Variants in PCBP2 observed in about 807,000 individuals in gnomAD.
PCBP2 encodes poly(rC)-binding protein 2.
Under a neutral mutation model 50.1 loss-of-function variants are expected in PCBP2, and 4 were observed. The ratio of observed to expected loss-of-function variants is 0.08; its 90% confidence interval spans 0.04 to 0.18. PCBP2 has a LOEUF of 0.18. Among genes scored for constraint, PCBP2 ranks in the 10% least tolerant of loss-of-function variants. The pLI, the probability that PCBP2 is intolerant of heterozygous loss-of-function variation, is 1.00. For synonymous variants in PCBP2, 179 were observed against 168.0 expected, an observed-to-expected ratio of 1.07 and a Z score of -0.51; for missense variants, 161 against 474.3, an observed-to-expected ratio of 0.34 and a Z score of 6.14.
intron 5 of PCBP2, among the ~76,000 whole-genome samples, chr12:53,457,545 T>C (rs1046916516): frequency 1.3e-5 from 2 of 152,008 alleles, no homozygotes; most frequent in African/African-American, 2.4e-5. Context: ...TGAGTCTTCC[T>C]GTGTTGCCTA....
At chr12:53,465,051 T>C (rs1386817633) in intron 9 of PCBP2, 199 bp downstream of exon 9, 1 of 490,486 alleles carries the variant, frequency 2.0e-6, no homozygotes, top group Non-Finnish European at 3.3e-6. Flanking sequence ...ACTTTTTTTT[T>C]TTTTTTAATT....
chr12:53,470,627 C>T (rs931656679), intron 13 of PCBP2, among the ~76,000 whole-genome samples: 15 of 151,910 alleles, frequency 9.9e-5, no homozygotes, highest in African/African-American at 2.9e-4. Context: ...CTCCTGAACG[C>T]AAGTGATTGG....
chr12:53,461,643 C>G (rs558102318), intron 7 of PCBP2, among the ~76,000 whole-genome samples: 4 of 152,088 alleles, frequency 2.6e-5, no homozygotes, highest in African/African-American at 4.8e-5. Flanking sequence ...TAGCAAAATT[C>G]AGGAAAATTA....
chr12:53,460,140 T>C, intron 6 of PCBP2: 1 of 234,004 alleles, frequency 4.3e-6, no homozygotes, highest in Non-Finnish European at 8.9e-6. Flanking sequence ...GATGTAATTC[T>C]ACATCTTTTT....
intron 14 of PCBP2, among the ~76,000 whole-genome samples, chr12:53,478,877 T>C (rs1024818213): frequency 2.2e-4 from 33 of 152,114 alleles, no homozygotes; most frequent in African/African-American, 7.5e-4. Context: ...TAACATTTTT[T>C]TTTTTACCTT....
intron 14 of PCBP2, among the ~76,000 whole-genome samples, chr12:53,473,873 A>G (rs755578542): frequency 2.0e-5 from 3 of 150,814 alleles, no homozygotes; most frequent in Non-Finnish European, 2.9e-5. Context: ...GTCCTTTTAT[A>G]TAGTTAGTTG....
At chr12:53,452,984 T>G (rs1284931233) in intron 1 of PCBP2, 1 of 152,074 alleles carries the variant, frequency 6.6e-6, no homozygotes, top group Non-Finnish European at 1.5e-5. Flanking sequence ...GGGTAACGAA[T>G]TTTTAAATTA....
chr12:53,467,153 AT>A, intron 10 of PCBP2, 67 bp from the exon 11 acceptor site: 1 of 1,252,030 alleles, frequency 8.0e-7, no homozygotes, highest in Non-Finnish European at 1.1e-6. Flanking sequence ...GCATTTTCAA[AT>A]TCGAATGTGC....
chr12:53,478,041 C>T (rs917547520), intron 14 of PCBP2, among the ~76,000 whole-genome samples: 2 of 152,126 alleles, frequency 1.3e-5, no homozygotes, highest in Middle Eastern at 3.2e-3. Flanking sequence ...CCCTGAAAGC[C>T]CTAAATTGGA....
At chr12:53,471,608 G>C (rs775398501) in intron 13 of PCBP2, 30 bp from the exon 14 acceptor site, 40 of 1,589,380 alleles carry the variant, frequency 2.5e-5, no homozygotes, top group Non-Finnish European at 3.2e-5. Context: ...ACTCTAATTC[G>C]GTGTGCCTTG....
chr12:53,465,875 C>CA (rs984120331), intron 9 of PCBP2, 57 bp from the exon 10 acceptor site: 18 of 1,383,968 alleles, frequency 1.3e-5, no homozygotes, highest in Non-Finnish European at 1.7e-5. Context: ...TTTTTCCCCC[C>CA]ACTGGGTGGC....
chr12:53,454,890 T>C (rs182430108), intron 2 of PCBP2, 21 bp downstream of exon 2: 1 of 1,607,406 alleles, frequency 6.2e-7, no homozygotes. Context: ...GCTTGGGAAA[T>C]GGGGTCATAG....
intron 7 of PCBP2, among the ~76,000 whole-genome samples, chr12:53,461,759 G>C (rs1422465127): frequency 1.3e-5 from 2 of 152,122 alleles, no homozygotes; most frequent in African/African-American, 4.8e-5. Context: ...ACCCAGACTG[G>C]AGTGCAGTGG....
chr12:53,478,432 C>CG (rs904848433), intron 14 of PCBP2, among the ~76,000 whole-genome samples: 3 of 151,928 alleles, frequency 2.0e-5, no homozygotes, highest in Admixed American at 6.6e-5. Flanking sequence ...CGCTAGAACA[C>CG]GGGAGGCAGG....
At chr12:53,457,624 G>T (rs1177978721) in intron 5 of PCBP2, among the ~76,000 whole-genome samples, 1 of 152,158 alleles carries the variant, frequency 6.6e-6, no homozygotes, top group Non-Finnish European at 1.5e-5. Context: ...GGGATTACAG[G>T]CAGAAGCCAC....
intron 9 of PCBP2, 63 bp from the exon 10 acceptor site, chr12:53,465,869 T>TC: frequency 3.0e-6 from 4 of 1,320,780 alleles, no homozygotes; most frequent in East Asian, 4.7e-5. Context: ...AATGTCTTTT[T>TC]CCCCCCACTG....
At position 53,480,462 on chromosome 12, in the gene PCBP2, C is replaced by G. The variant is rs1942976101; in HGVS notation, c.*1020C>G. On this transcript the variant is annotated 3_prime_UTR_variant, in exon 15 of 15. Coordinates refer to ENST00000546463, the MANE Select transcript of PCBP2 (RefSeq NM_031989.5). ...TTTATCTTAACCATGTATGGTACCC[C>G]ATTCATTCATCAAGAAAACCCTCAA... The G allele has an allele frequency of 6.6e-6, 1 of 152,542 alleles. No homozygotes were observed. Among genetic ancestry groups the G allele is most frequent in the Non-Finnish European group, 1.5e-5 (1 of 68,028 alleles). The allele number at this position is 152,542 out of a possible 1,614,324, so 9.4% of individuals were successfully genotyped here. A position where few individuals can be genotyped will look rare whatever the true frequency, so the allele number is the denominator to read the frequency against.
rs1555209672 is a variant in PCBP2 at position 53,479,672 on chromosome 12, T to TTTTTTTTTTTTTTTGGC, written c.*241_*242insTTTGGCTTTTTTTTTTT. ...TTTAGTTTTATAAGCTTCTCCCTGG[T>TTTTTTTTTTTTTTTGGC]TTTTTTTTTTTGGCTCATGAATTTT... On this transcript the variant is annotated 3_prime_UTR_variant, in exon 15 of 15. Transcript: ENST00000546463. The TTTTTTTTTTTTTTTGGC allele has an allele frequency of 3.5e-6, 1 of 284,024 alleles. No individual in the cohort carries two copies. The allele number at this position is 284,024 out of a possible 1,614,324, so 17.6% of individuals were successfully genotyped here.
At chr12:53,479,004 T>G (rs537466008) in intron 14 of PCBP2, among the ~76,000 whole-genome samples, 1 of 152,308 alleles carries the variant, frequency 6.6e-6, no homozygotes, top group Non-Finnish European at 1.5e-5. Context: ...TGACTCTTTC[T>G]TTCCTAAACT....
Sources: gnomAD v4.1 joint callset for allele counts (sites outside exome capture counted in the v4.1 genomes callset) on GRCh38, gnomAD v4.1.1 for gene constraint, MANE v1.5 for transcripts, NCBI Gene and HGNC (gene_info 2026-07-23, HGNC 2026-07-21) for gene names.